Variants in IP6K1 observed in about 807,000 individuals in gnomAD.
IP6K1 encodes inositol hexakisphosphate kinase 1.
IP6K1 carries 13 observed loss-of-function variants against 38.3 expected under a neutral mutation model. The observed-to-expected ratio is 0.34, with a 90% CI of 0.22 to 0.54. The LOEUF (loss-of-function observed/expected upper bound fraction) is 0.54, where lower values mean the gene tolerates loss of function less well. IP6K1 is among the 20% of genes least tolerant of loss of function. The probability of loss-of-function intolerance (pLI) is 0.92; values close to 1 mark genes in which losing one functional copy is unlikely to be tolerated. For synonymous variants in IP6K1, 212 were observed against 229.9 expected (o/e 0.92, Z 0.70); for missense variants, 397 against 599.8 (o/e 0.66, Z 3.53).
intron 1 of IP6K1, chr3:49,775,625 G>C: frequency 1.1e-6 from 1 of 883,228 alleles, no homozygotes. Context: ...TTGGTGGGTG[G>C]CCCCTTCCTC....
At chr3:49,737,416 T>C (rs906411469) in intron 3 of IP6K1, among the ~76,000 whole-genome samples, 1 of 152,208 alleles carries the variant, frequency 6.6e-6, no homozygotes, top group African/African-American at 2.4e-5. Context: ...GCTGGTACAG[T>C]GGCTCATGCC....
chr3:49,744,721 T>C (rs928387618), intron 2 of IP6K1, among the ~76,000 whole-genome samples: 1 of 152,148 alleles, frequency 6.6e-6, no homozygotes, highest in African/African-American at 2.4e-5. Flanking sequence ...CAGGATTTGG[T>C]TACTAGATAT....
Position 49,732,931 on chromosome 3 carries a change from T to A in IP6K1, c.476A>T (p.His159Leu). The change falls in exon 4 of 6, where the codon CAC becomes CTC. Residue 159 changes from histidine (H) to leucine (L), a missense_variant. By Grantham distance (99) the His-to-Leu change is moderately conservative (BLOSUM62 -3). This residue lies in a region of IP6K1 where 171 missense variants were observed against 237.0 expected (regional missense o/e 0.72). Transcript: ENST00000321599. ...AKSPKVELHS[H>L]SEVPFQMLDG... is the part of the protein sequence containing the mutation. The stretch of plus-strand genomic sequence containing the variant: ...TAGCATCTGGAAAGGGACCTCTGAG[T>A]GGCTGTGCAGCTCCACCTTCGGACT... 1 of 1,613,936 alleles carries A rather than the reference T, an allele frequency of 6.2e-7. No individual in the cohort carries two copies. Among genetic ancestry groups the A allele is most frequent in the Non-Finnish European group, 8.5e-7 (1 of 1,179,906 alleles).
chr3:49,763,394 C>T lies in IP6K1; in HGVS notation c.-128-15226G>A, dbSNP rs748039344. On this transcript the variant is annotated intron_variant, in intron 1 of 5. Transcript: ENST00000321599. ...TGCTGGGATTACAGGTATGAGCCACCGCGCCCGGCCAAGGTCAATTATTTC... is the reference window on the plus strand; with the variant it reads ...TGCTGGGATTACAGGTATGAGCCACTGCGCCCGGCCAAGGTCAATTATTTC... Among the ~76,000 whole-genome samples, 21 of 152,064 alleles carry T rather than the reference C, an allele frequency of 1.4e-4. No homozygotes were observed. The South Asian group carries it at 2.7e-3, about 20-fold the overall frequency.
At chr3:49,777,691 G>A (rs375439520) in intron 1 of IP6K1, among the ~76,000 whole-genome samples, 2 of 151,492 alleles carry the variant, frequency 1.3e-5, no homozygotes, top group Non-Finnish European at 2.9e-5. Context: ...GAGATGGGCG[G>A]ATCACAAGGT....
intron 1 of IP6K1, among the ~76,000 whole-genome samples, chr3:49,763,411 A>G (rs914300113): frequency 2.0e-5 from 3 of 152,070 alleles, no homozygotes; most frequent in Admixed American, 1.3e-4. Flanking sequence ...GGCCAAGGTC[A>G]ATTATTTCTA....
At chr3:49,767,929 G>C (rs1278785942) in intron 1 of IP6K1, among the ~76,000 whole-genome samples, 3 of 151,232 alleles carry the variant, frequency 2.0e-5, no homozygotes, top group Non-Finnish European at 4.4e-5. Flanking sequence ...TTTCTCTGAA[G>C]ATTTACAAAT....
chr3:49,727,125 C>CT lies in IP6K1; in HGVS notation c.1322dup (p.Ter442ValfsTer41). 1 of 1,598,406 alleles carries CT rather than the reference C, an allele frequency of 6.3e-7. No homozygotes were observed. The highest frequency in any genetic ancestry group is 8.5e-7 in the Non-Finnish European group (1 of 1,170,142). ...TTCTGGGGGCCCAGAACAGGGCCTA[C>CT]TGGTTCTCGTCCCGCATCTGTTCCA... On this transcript the variant is annotated frameshift_variant, in exon 6 of 6. Transcript: ENST00000321599. LOFTEE classifies it high-confidence loss of function. This position sits in a 1 kb window ranked among gnomAD's most constrained non-coding sequence, Gnocchi z 5.9.
At chr3:49,736,263 T>C (rs1434521879) in intron 3 of IP6K1, among the ~76,000 whole-genome samples, 1 of 152,212 alleles carries the variant, frequency 6.6e-6, no homozygotes, top group Non-Finnish European at 1.5e-5. Flanking sequence ...TGTGGTTTTT[T>C]AGTGAATTCA....
chr3:49,782,193 C>T (rs1031365116), intron 1 of IP6K1, among the ~76,000 whole-genome samples: 6 of 150,306 alleles, frequency 4.0e-5, no homozygotes, highest in Admixed American at 1.3e-4. Context: ...TTTTTTGAGA[C>T]GGAGTCTAGC....
chr3:49,780,632 G>C (rs2081057556), intron 1 of IP6K1, among the ~76,000 whole-genome samples: 1 of 152,146 alleles, frequency 6.6e-6, no homozygotes, highest in Non-Finnish European at 1.5e-5. Flanking sequence ...CCACAACAAA[G>C]AAAAGGGCCT....
intron 1 of IP6K1, among the ~76,000 whole-genome samples, chr3:49,763,352 G>T (rs1025909014): frequency 6.6e-6 from 1 of 151,588 alleles, no homozygotes; most frequent in Non-Finnish European, 1.5e-5. Context: ...TGATCCACCC[G>T]CCTCGGGCTC....
chr3:49,727,181 C>G lies in IP6K1; in HGVS notation c.1267G>C (p.Val423Leu). The G allele has an allele frequency of 6.2e-7, 1 of 1,614,130 alleles. No homozygotes were observed. The highest frequency in any genetic ancestry group is 2.2e-5 in the East Asian group (1 of 44,864). ...CTGATGAGGTTCTCCAGGCCAAACA[C>G]GTAGCCTCTGTCTGGCCCATCATGC... is the stretch of plus-strand genomic sequence containing the variant. Reference protein sequence around the residue: ...TVHDGPDRGYVFGLENLISIM... With the variant: ...TVHDGPDRGYLFGLENLISIM... Residue 423 changes from valine to leucine, a missense_variant, in exon 6 of 6, where the codon GTG becomes CTG. Physicochemically the swap from Val to Leu is conservative, Grantham distance 32. Transcript: ENST00000321599. The surrounding 1 kb of genome is among the most constrained non-coding windows in gnomAD (Gnocchi z 5.9).
intron 1 of IP6K1, among the ~76,000 whole-genome samples, chr3:49,759,189 TG>T (rs1227977026): frequency 1.3e-5 from 2 of 152,178 alleles, no homozygotes; most frequent in Non-Finnish European, 2.9e-5. Context: ...AAATCAGATA[TG>T]GCTAAAATCT....
At chr3:49,729,892 TTTAATTA>T (rs1470535047) in intron 4 of IP6K1, among the ~76,000 whole-genome samples, 1 of 151,772 alleles carries the variant, frequency 6.6e-6, no homozygotes, top group African/African-American at 2.4e-5. Flanking sequence ...TAATTTTTCT[TTTAATTA>T]TTATTTTTTT....
At chr3:49,744,327 G>A (rs939023236) in intron 2 of IP6K1, among the ~76,000 whole-genome samples, 1 of 140,848 alleles carries the variant, frequency 7.1e-6, no homozygotes, top group Non-Finnish European at 1.5e-5. Flanking sequence ...GCGTGAACCC[G>A]GGGGGCAGAG....
chr3:49,763,100 A>G (rs1294379005), intron 1 of IP6K1, among the ~76,000 whole-genome samples: 5 of 142,752 alleles, frequency 3.5e-5, no homozygotes, highest in Non-Finnish European at 7.7e-5. Context: ...AAGGTCAATT[A>G]TTTCTTTTTT....
intron 2 of IP6K1, among the ~76,000 whole-genome samples, chr3:49,738,649 T>C (rs2080637907): frequency 6.6e-6 from 1 of 152,210 alleles, no homozygotes; most frequent in Non-Finnish European, 1.5e-5. Flanking sequence ...GATAAGTCTA[T>C]ATTTCCCCTT....
intron 1 of IP6K1, chr3:49,785,904 C>T (rs915200721): frequency 6.6e-6 from 1 of 152,276 alleles, no homozygotes; most frequent in Non-Finnish European, 1.5e-5. Context: ...ACCGGCCTGC[C>T]TGGCTCGCGG....
Sources: gnomAD v4.1 joint callset for allele counts (sites outside exome capture counted in the v4.1 genomes callset) on GRCh38, gnomAD v4.1.1 for gene constraint, gnomAD v4.1.1 regional missense constraint, Gnocchi (gnomAD v3.1) non-coding constraint, MANE v1.5 for transcripts, NCBI Gene and HGNC (gene_info 2026-07-23, HGNC 2026-07-21) for gene names.